MAGI2: variants seen among roughly 807,000 people sequenced by gnomAD.
The protein encoded by MAGI2 is membrane associated guanylate kinase, WW and PDZ domain containing 2, also known as membrane-associated guanylate kinase, WW and PDZ domain-containing protein 2.
Under a neutral mutation model 133.3 loss-of-function variants are expected in MAGI2, and 35 were observed. That is an observed-to-expected ratio of 0.26 (90% CI 0.20 to 0.35). The LOEUF is 0.35. MAGI2 is among the 10% of genes least tolerant of loss of function. The probability of loss-of-function intolerance (pLI) is 1.00; values close to 1 mark genes in which losing one functional copy is unlikely to be tolerated. For missense variants in MAGI2, 1,636 were observed against 1,863.4 expected (o/e 0.88, Z 2.25); for synonymous variants, 729 against 710.6 (o/e 1.03, Z -0.41).
chr7:78,854,656 T>G (rs1793468386), intron 2 of MAGI2, among the ~76,000 whole-genome samples: 1 of 152,056 alleles, frequency 6.6e-6, no homozygotes, highest in Admixed American at 6.6e-5. Context: ...ATTCCTTTTT[T>G]TTTTTTTATT....
intron 1 of MAGI2, among the ~76,000 whole-genome samples, chr7:79,123,044 T>C (rs1034842812): frequency 6.6e-6 from 1 of 152,168 alleles, no homozygotes; most frequent in Admixed American, 6.5e-5. Flanking sequence ...AAACAGAGAA[T>C]GAAGGAAACA....
intron 9 of MAGI2, among the ~76,000 whole-genome samples, chr7:78,338,223 C>G (rs1789978858): frequency 6.6e-6 from 1 of 152,146 alleles, no homozygotes; most frequent in South Asian, 2.1e-4. Flanking sequence ...TAAATCCACA[C>G]TGAAGGTGAA....
chr7:78,752,987 C>G (rs117313241), intron 2 of MAGI2, among the ~76,000 whole-genome samples: 93 of 152,302 alleles, frequency 6.1e-4, no homozygotes, highest in Non-Finnish European at 1.2e-3. Context: ...TTAAACATGT[C>G]ACTCATTTAG....
At chr7:79,044,483 T>C (rs377342006) in intron 1 of MAGI2, among the ~76,000 whole-genome samples, 113 of 152,270 alleles carry the variant, frequency 7.4e-4, no homozygotes, top group African/African-American at 2.6e-3. Flanking sequence ...TCATATTGAA[T>C]GGGCAAAAGT....
intron 20 of MAGI2, among the ~76,000 whole-genome samples, chr7:78,085,576 A>G (rs1816549553): frequency 6.7e-6 from 1 of 148,362 alleles, no homozygotes; most frequent in Non-Finnish European, 1.5e-5. Flanking sequence ...ACACACACAC[A>G]CACACAAACA....
At chr7:78,830,835 C>T (rs1012613232) in intron 2 of MAGI2, among the ~76,000 whole-genome samples, 1 of 152,092 alleles carries the variant, frequency 6.6e-6, no homozygotes, top group African/African-American at 2.4e-5. Context: ...TCTAGCTAGC[C>T]TTGGGCTATG....
chr7:78,990,497 A>G (rs939524303), intron 2 of MAGI2, among the ~76,000 whole-genome samples: 16 of 152,148 alleles, frequency 1.1e-4, no homozygotes, highest in Middle Eastern at 3.4e-3. Context: ...GGTCTTCTCA[A>G]TCGGAATGTC....
chr7:78,406,603 T>G (rs1030280186), intron 6 of MAGI2, among the ~76,000 whole-genome samples: 1 of 152,062 alleles, frequency 6.6e-6, no homozygotes, highest in Non-Finnish European at 1.5e-5. Flanking sequence ...ATTAGCCACC[T>G]CATAGATTGC....
At chr7:78,143,735 A>G (rs1012317035) in intron 16 of MAGI2, among the ~76,000 whole-genome samples, 7 of 152,126 alleles carry the variant, frequency 4.6e-5, no homozygotes, top group African/African-American at 1.7e-4. Context: ...ACCTGTCCAT[A>G]TGCATAGAGA....
intron 6 of MAGI2, among the ~76,000 whole-genome samples, chr7:78,463,127 G>T (rs1326751370): frequency 6.6e-6 from 1 of 152,188 alleles, no homozygotes. Context: ...TGCCCATAGG[G>T]CCTGGTGCCT....
Position 79,443,944 on chromosome 7 carries a change from A to G in MAGI2, c.301+9076T>C, listed in dbSNP as rs537468491. On this transcript the variant is annotated intron_variant, in intron 1 of 21. Coordinates refer to ENST00000354212, the MANE Select transcript of MAGI2 (RefSeq NM_012301.4). ...CAGAAAAATTCCTGATGTCATATGCATGTGTTTCACTATAAGGCAGTTATG... is the reference window on the plus strand; with the variant it reads ...CAGAAAAATTCCTGATGTCATATGCGTGTGTTTCACTATAAGGCAGTTATG... Among the ~76,000 whole-genome samples the G allele has an allele frequency of 1.2e-4, 18 of 152,314 alleles. 1 individual carries two copies. In the South Asian group the frequency reaches 3.7e-3, roughly 32 times the overall value.
At chr7:78,081,973 G>A (rs7788132) in intron 20 of MAGI2, among the ~76,000 whole-genome samples, 66,813 of 151,954 alleles carry the variant, frequency 0.44, 15,215 homozygotes, top group Non-Finnish European at 0.52. Context: ...TGAATATATT[G>A]GTGAATGAGT....
chr7:78,640,980 T>C (rs1163475901), intron 2 of MAGI2, among the ~76,000 whole-genome samples: 2 of 152,110 alleles, frequency 1.3e-5, no homozygotes, highest in African/African-American at 4.8e-5. Context: ...AAGGGCAGTT[T>C]CCCCCATCCT....
chr7:78,209,267 CTT>C (rs111381805), intron 10 of MAGI2, among the ~76,000 whole-genome samples: 211 of 82,918 alleles, frequency 2.5e-3, no homozygotes, highest in African/African-American at 8.3e-3. Context: ...AAAAGTCATT[CTT>C]TTTTTTTTTT....
At chr7:78,336,773 GAAGAAGAAAAGA>G (rs149699556) in intron 9 of MAGI2, among the ~76,000 whole-genome samples, 34,132 of 151,434 alleles carry the variant, frequency 0.23, 4,388 homozygotes, top group East Asian at 0.54. Context: ...GAAGCAAGAA[GAAGAAGAAAAGA>G]AAGAAGAAAA....
intron 21 of MAGI2, among the ~76,000 whole-genome samples, chr7:78,061,408 GTACACACACACA>G (rs1563069059): frequency 1.0e-5 from 1 of 99,636 alleles, no homozygotes. Flanking sequence ...GGGACTGGTT[GTACACACACACA>G]CACACACACA....
chr7:79,093,023 C>A (rs776600883), intron 1 of MAGI2, among the ~76,000 whole-genome samples: 4 of 152,028 alleles, frequency 2.6e-5, no homozygotes, highest in Non-Finnish European at 5.9e-5. Context: ...ATTATTATGT[C>A]TTTAGATCAG....
At chr7:78,368,293 C>T (rs1793585735) in intron 7 of MAGI2, among the ~76,000 whole-genome samples, 1 of 152,140 alleles carries the variant, frequency 6.6e-6, no homozygotes, top group Non-Finnish European at 1.5e-5. Flanking sequence ...TAACTCTTGA[C>T]CATCTGTAAC....
chr7:78,394,536 C>T (rs1439200943), intron 6 of MAGI2, among the ~76,000 whole-genome samples: 1 of 152,136 alleles, frequency 6.6e-6, no homozygotes. Flanking sequence ...CCACTTCTCA[C>T]CCCCCTCTCC....
Sources: gnomAD v4.1 joint callset for allele counts (sites outside exome capture counted in the v4.1 genomes callset) on GRCh38, gnomAD v4.1.1 for gene constraint, MANE v1.5 for transcripts, NCBI Gene and HGNC (gene_info 2026-07-23, HGNC 2026-07-21) for gene names.